CREB1: variants seen among roughly 807,000 people sequenced by gnomAD.
The protein encoded by CREB1 is cAMP responsive element binding protein 1.
In CREB1, 2 loss-of-function variants were observed where a neutral mutation model predicts 42.0. The ratio of observed to expected loss-of-function variants is 0.05; its 90% confidence interval spans 0.02 to 0.15. CREB1 has a LOEUF of 0.15. Among genes scored for constraint, CREB1 ranks in the 10% least tolerant of loss-of-function variants. The pLI, the probability that CREB1 is intolerant of heterozygous loss-of-function variation, is 1.00. For synonymous variants in CREB1, 123 were observed against 139.9 expected (o/e 0.88, Z 0.85); for missense variants, 199 against 388.9 (o/e 0.51, Z 4.11).
At chr2:207,540,347 A>C (rs2106365026) in intron 1 of CREB1, among the ~76,000 whole-genome samples, 1 of 152,262 alleles carries the variant, frequency 6.6e-6, no homozygotes, top group Non-Finnish European at 1.5e-5. Flanking sequence ...TTAACAAAAA[A>C]TTTTAAAAAG....
At chr2:207,574,186 G>A (rs958930374) in intron 5 of CREB1, among the ~76,000 whole-genome samples, 5 of 152,186 alleles carry the variant, frequency 3.3e-5, no homozygotes, top group African/African-American at 1.2e-4. Context: ...CCCATAGCTG[G>A]TGGATAACTG....
chr2:207,563,885 G>A (rs1030912040), intron 3 of CREB1, among the ~76,000 whole-genome samples: 1 of 152,032 alleles, frequency 6.6e-6, no homozygotes, highest in Admixed American at 6.5e-5. Context: ...CGGAGGTTGC[G>A]GTGAACCAAA....
Position 207,601,985 on chromosome 2 carries a change from G to T in CREB1, c.*4927G>T, listed in dbSNP as rs139271055. 2.9e-5 allele frequency: 6 copies of T among 207,844 alleles called. No homozygotes were observed. Among genetic ancestry groups the T allele is most frequent in the Non-Finnish European group, 5.9e-5 (6 of 102,084 alleles). The allele number at this position is 207,844 out of a possible 1,614,324, so 12.9% of individuals were successfully genotyped here. Reference sequence around the variant, plus strand: ...CATTCTAGAATCAATGGCTAGGAGAGGCATTAATCTTTGAGGGGCTGAACA... The same window carrying T: ...CATTCTAGAATCAATGGCTAGGAGATGCATTAATCTTTGAGGGGCTGAACA... On this transcript the variant is annotated 3_prime_UTR_variant, in exon 8 of 8. Coordinates refer to ENST00000353267, the MANE Select transcript of CREB1 (RefSeq NM_004379.5).
intron 1 of CREB1, among the ~76,000 whole-genome samples, chr2:207,536,279 G>A (rs563433502): frequency 2.1e-4 from 32 of 152,130 alleles, no homozygotes; most frequent in Non-Finnish European, 3.8e-4. Context: ...TGGGCCAGTC[G>A]CGGTGGCTGA....
intron 5 of CREB1, among the ~76,000 whole-genome samples, chr2:207,572,261 A>G (rs2082397822): frequency 6.6e-6 from 1 of 151,002 alleles, no homozygotes; most frequent in Admixed American, 6.6e-5. Flanking sequence ...TAATACTTTG[A>G]AATTTTTAAA....
intron 1 of CREB1, among the ~76,000 whole-genome samples, chr2:207,537,096 C>G (rs2080905240): frequency 6.6e-6 from 1 of 152,004 alleles, no homozygotes; most frequent in Non-Finnish European, 1.5e-5. Context: ...TTCTCTGTTG[C>G]CAGGCTGGAG....
At chr2:207,543,116 T>C (rs1160029451) in intron 1 of CREB1, among the ~76,000 whole-genome samples, 1 of 152,206 alleles carries the variant, frequency 6.6e-6, no homozygotes, top group Non-Finnish European at 1.5e-5. Context: ...ATCTCTAGAT[T>C]ACTTATAATA....
rs564192203 is a variant in CREB1, at chr2:207,583,565, C to T, written c.839+5910C>T. Among the ~76,000 whole-genome samples the T allele has an allele frequency of 2.6e-5, 4 of 152,276 alleles. No individual in the cohort carries two copies. The East Asian group carries it at 7.7e-4, about 29-fold the overall frequency. ...TGCTGTTTTCTAAAGTTACTTCACT[C>T]TGCTCCTTTCTCCACCCCTTTCAAT... is the stretch of plus-strand genomic sequence containing the variant. On this transcript the variant is annotated intron_variant, in intron 7 of 7. Coordinates refer to ENST00000353267, the MANE Select transcript of CREB1 (RefSeq NM_004379.5).
intron 3 of CREB1, among the ~76,000 whole-genome samples, chr2:207,562,948 ACTT>A (rs1377021129): frequency 2.0e-5 from 3 of 152,232 alleles, no homozygotes; most frequent in Non-Finnish European, 4.4e-5. Flanking sequence ...AGCAAATAAT[ACTT>A]CTCTGTTCTC....
chr2:207,574,167 A>G (rs1283281612), intron 5 of CREB1, among the ~76,000 whole-genome samples: 3 of 152,226 alleles, frequency 2.0e-5, no homozygotes, highest in Admixed American at 2.0e-4. Context: ...ATGTCTCAGG[A>G]TGTTATTTCC....
At chr2:207,584,672 G>A (rs920255090) in intron 7 of CREB1, among the ~76,000 whole-genome samples, 1 of 152,174 alleles carries the variant, frequency 6.6e-6, no homozygotes, top group Non-Finnish European at 1.5e-5. Flanking sequence ...AAAATGCTGG[G>A]ATTACAGGTG....
chr2:207,573,950 T>C (rs1040310095), intron 5 of CREB1, among the ~76,000 whole-genome samples: 4 of 152,236 alleles, frequency 2.6e-5, no homozygotes, highest in Admixed American at 6.5e-5. Context: ...TTCTTTCAAG[T>C]AATCATGCAA....
In CREB1 at chr2:207,597,441, C is replaced by T. The variant is rs2086353086; in HGVS notation, c.*383C>T. 2 of 235,980 alleles carry T rather than the reference C, an allele frequency of 8.5e-6. No homozygotes were observed. The highest frequency in any genetic ancestry group is 1.3e-4 in the East Asian group (2 of 15,572). 14.6% of individuals were successfully genotyped at this position (235,980 alleles called of 1,614,324 possible). On this transcript the variant is annotated 3_prime_UTR_variant, in exon 8 of 8. Transcript: ENST00000353267. ...TGATTGCCTTAGGGACAGAATTACC[C>T]CAGCCTCTTGAGCTGAAGTAATGTG...
At chr2:207,560,671 C>T (rs1032456509) in intron 3 of CREB1, among the ~76,000 whole-genome samples, 1 of 152,100 alleles carries the variant, frequency 6.6e-6, no homozygotes, top group East Asian at 1.9e-4. Flanking sequence ...ACTGAAGTAC[C>T]TCAGTCGAGG....
At chr2:207,566,737 A>T (rs925820314) in intron 3 of CREB1, among the ~76,000 whole-genome samples, 1 of 152,194 alleles carries the variant, frequency 6.6e-6, no homozygotes, top group Non-Finnish European at 1.5e-5. Context: ...TCTGGCGCCT[A>T]CATTACTGTG....
At chr2:207,584,191 A>G (rs968036214) in intron 7 of CREB1, among the ~76,000 whole-genome samples, 1 of 152,220 alleles carries the variant, frequency 6.6e-6, no homozygotes. Context: ...GGTTGCATGA[A>G]ATGTAACTAA....
intron 1 of CREB1, among the ~76,000 whole-genome samples, chr2:207,550,991 G>A (rs895800540): frequency 6.6e-6 from 1 of 151,996 alleles, no homozygotes; most frequent in African/African-American, 2.4e-5. Context: ...GGCTATTATC[G>A]TTTACCTTTT....
At chr2:207,545,745 T>C (rs1299341410) in intron 1 of CREB1, among the ~76,000 whole-genome samples, 3 of 151,834 alleles carry the variant, frequency 2.0e-5, no homozygotes. Flanking sequence ...TTTTTTTTTT[T>C]TTTGTGAGAT....
chr2:207,567,803 G>T (rs1559290466), intron 4 of CREB1: 2 of 283,026 alleles, frequency 7.1e-6, no homozygotes, highest in Non-Finnish European at 1.3e-5. Context: ...GACTGTGCTG[G>T]CTGTCTTTCT....
Sources: allele counts gnomAD v4.1 joint callset (sites outside exome capture counted in the v4.1 genomes callset), GRCh38; gene constraint gnomAD v4.1.1; transcripts MANE v1.5; gene names NCBI Gene and HGNC (gene_info 2026-07-23, HGNC 2026-07-21).